Variants in RILPL1 observed in about 807,000 individuals in gnomAD.
The protein encoded by RILPL1 is Rab interacting lysosomal protein like 1.
A neutral mutation model predicts 50.3 loss-of-function variants in RILPL1; 33 were observed. The ratio of observed to expected loss-of-function variants is 0.66; its 90% CI spans 0.50 to 0.88. The LOEUF is 0.88. RILPL1 is among the 40% of genes least tolerant of loss of function. RILPL1 has a pLI of 0.00. For missense variants in RILPL1, 418 were observed against 542.5 expected, an observed-to-expected ratio of 0.77 and a Z score of 2.28; for synonymous variants, 205 against 228.6, an observed-to-expected ratio of 0.90 and a Z score of 0.93.
In RILPL1 at chr12:123,498,216, TC is replaced by T. The variant is rs1883154555; in HGVS notation, c.801+327del. The stretch of plus-strand genomic sequence containing the variant: ...CTGAGCCTCTCGTTTTTTCTCTCTC[TC>T]TCTCTCTCTTTTTTTTTTAGACAGG... On this transcript the variant is annotated intron_variant, in intron 4 of 6. Transcript: ENST00000376874. This position sits in a 1 kb window ranked among gnomAD's most constrained non-coding sequence, Gnocchi z 4.3. Among the ~76,000 whole-genome samples, 1 of 151,586 alleles carries T rather than the reference TC, an allele frequency of 6.6e-6. No individual in the cohort carries two copies. The highest frequency in any genetic ancestry group is 1.5e-5 in the Non-Finnish European group (1 of 67,930).
At chr12:123,480,807 G>A (rs1267421357) in intron 6 of RILPL1, among the ~76,000 whole-genome samples, 1 of 152,092 alleles carries the variant, frequency 6.6e-6, no homozygotes, top group Admixed American at 6.6e-5. Context: ...TGGGCACCCC[G>A]TATTTCTGTC....
intron 1 of RILPL1, among the ~76,000 whole-genome samples, chr12:123,532,716 G>GGGGGGA (rs1232279863): frequency 8.9e-6 from 1 of 112,534 alleles, no homozygotes; most frequent in Non-Finnish European, 1.9e-5. Flanking sequence ...GGGGGGGGGG[G>GGGGGGA]ATGAAGAAAG....
intron 4 of RILPL1, among the ~76,000 whole-genome samples, chr12:123,493,236 G>A (rs565137785): frequency 6.6e-6 from 1 of 152,342 alleles, no homozygotes; most frequent in East Asian, 1.9e-4. Flanking sequence ...GTAAAGCATT[G>A]AGATGTTTAT....
intron 2 of RILPL1, among the ~76,000 whole-genome samples, chr12:123,507,953 GA>G (rs56309765): frequency 0.9 from 103,673 of 115,418 alleles, 46,125 homozygotes; most frequent in Admixed American, 0.93. Context: ...AAAAAAAAAA[GA>G]AAAAAAAAAA....
rs1448808864 is a variant in RILPL1, at chr12:123,472,271, C to T, written c.*267G>A. On this transcript the variant is annotated 3_prime_UTR_variant, in exon 7 of 7. Coordinates refer to ENST00000376874, the MANE Select transcript of RILPL1 (RefSeq NM_178314.5). Reference sequence around the variant, plus strand: ...GAAGTTAACGCAGAAGTCTGGCCTCCGTTTGTGGGATTATTAAATATATAT... The same window carrying T: ...GAAGTTAACGCAGAAGTCTGGCCTCTGTTTGTGGGATTATTAAATATATAT... 3.3e-5 allele frequency: 13 copies of T among 394,372 alleles called. No homozygotes were observed. The highest frequency in any genetic ancestry group is 1.0e-4 in the South Asian group (2 of 19,956). 24.4% of individuals were successfully genotyped at this position (394,372 alleles called of 1,614,324 possible).
chr12:123,529,328 G>A (rs1412599320), intron 1 of RILPL1, among the ~76,000 whole-genome samples: 1 of 151,958 alleles, frequency 6.6e-6, no homozygotes, highest in African/African-American at 2.4e-5. Flanking sequence ...GTCTCGCTCT[G>A]TTGCTCAGGC....
chr12:123,518,698 T>C (rs752485088), intron 2 of RILPL1, among the ~76,000 whole-genome samples: 4 of 152,090 alleles, frequency 2.6e-5, no homozygotes, highest in Non-Finnish European at 5.9e-5. Flanking sequence ...ATTTTTATAT[T>C]GATTACATGT....
rs1035739717 is a variant in RILPL1 at position 123,504,440 on chromosome 12, G to A, written c.461-4904C>T. Among the ~76,000 whole-genome samples the A allele has an allele frequency of 4.6e-5, 7 of 152,174 alleles. No individual in the cohort carries two copies. The South Asian group carries it at 8.3e-4, about 18-fold the overall frequency. On this transcript the variant is annotated intron_variant, in intron 2 of 6. Transcript: ENST00000376874. ...TGTTTCCAGAACAGCAGGCGACGAT[G>A]CCAGTGCCACAAAGCCAGGTAAGGC...
At chr12:123,492,044 C>T (rs1489036699) in intron 4 of RILPL1, among the ~76,000 whole-genome samples, 1 of 151,662 alleles carries the variant, frequency 6.6e-6, no homozygotes, top group Non-Finnish European at 1.5e-5. Context: ...AAAATAGAGG[C>T]AGGCAGATCA....
chr12:123,521,561 A>AT (rs1326359969), intron 2 of RILPL1, among the ~76,000 whole-genome samples: 1 of 55,432 alleles, frequency 1.8e-5, no homozygotes, highest in African/African-American at 6.7e-5. Flanking sequence ...GTGTATATAT[A>AT]TTAATATATA....
rs1271411283 is a variant in RILPL1 at position 123,498,396 on chromosome 12, AT to A, written c.801+147del. 3.0e-6 allele frequency: 2 copies of A among 676,384 alleles called. No homozygotes were observed. Among genetic ancestry groups the A allele is most frequent in the Non-Finnish European group, 5.0e-6 (2 of 397,836 alleles). The allele number at this position is 676,384 out of a possible 1,614,324, so 41.9% of individuals were successfully genotyped here. On this transcript the variant is annotated intron_variant, in intron 4 of 6. Transcript: ENST00000376874. This position sits in a 1 kb window ranked among gnomAD's most constrained non-coding sequence, Gnocchi z 4.3. ...CACCACGCGTGGCTAATTAAAAAAA[AT>A]GTTTGTAGAGAATTGGGGTCTTGCT... is the stretch of plus-strand genomic sequence containing the variant.
At chr12:123,504,327 C>A (rs763217484) in intron 2 of RILPL1, among the ~76,000 whole-genome samples, 1 of 152,114 alleles carries the variant, frequency 6.6e-6, no homozygotes, top group Non-Finnish European at 1.5e-5. Flanking sequence ...GACTTTCCCC[C>A]CCGGGTGCGC....
intron 2 of RILPL1, among the ~76,000 whole-genome samples, chr12:123,511,725 T>TG (rs1884251327): frequency 1.4e-5 from 1 of 70,904 alleles, no homozygotes; most frequent in African/African-American, 5.7e-5. Context: ...TGTGTGAGGT[T>TG]TGTGTGTGTG....
At chr12:123,529,518 C>T (rs932790936) in intron 1 of RILPL1, among the ~76,000 whole-genome samples, 3 of 152,088 alleles carry the variant, frequency 2.0e-5, no homozygotes, top group South Asian at 4.1e-4. Flanking sequence ...CTCAAGTGAT[C>T]CAGCTGCCTC....
In RILPL1 at chr12:123,485,984, G is replaced by A. The variant is rs532378605; in HGVS notation, c.802-179C>T. Among the ~76,000 whole-genome samples, 16 of 152,300 alleles carry A rather than the reference G, an allele frequency of 1.1e-4. No individual in the cohort carries two copies. The South Asian group carries it at 3.1e-3, about 30-fold the overall frequency. On this transcript the variant is annotated intron_variant, in intron 4 of 6. Coordinates refer to ENST00000376874, the MANE Select transcript of RILPL1 (RefSeq NM_178314.5). The surrounding 1 kb of genome is among the most constrained non-coding windows in gnomAD (Gnocchi z 4.0). Reference sequence around the variant, plus strand: ...TTCTGTACAGTTTCCCTCTGGAGGTGGAAGCCAGCAGCCACCTGTTCATTG... The same window carrying A: ...TTCTGTACAGTTTCCCTCTGGAGGTAGAAGCCAGCAGCCACCTGTTCATTG...
chr12:123,523,288 G>GACCTCTGTGTT (rs929053093), intron 2 of RILPL1, among the ~76,000 whole-genome samples: 2 of 152,182 alleles, frequency 1.3e-5, no homozygotes, highest in Non-Finnish European at 2.9e-5. Flanking sequence ...TTGCTGAAAG[G>GACCTCTGTGTT]ACCTCTGTGT....
At chr12:123,492,019 T>TA (rs1198926112) in intron 4 of RILPL1, among the ~76,000 whole-genome samples, 1 of 150,652 alleles carries the variant, frequency 6.6e-6, no homozygotes, top group South Asian at 2.1e-4. Flanking sequence ...AATAAATAAA[T>TA]AAATAAAATA....
In RILPL1 at chr12:123,487,414, C is replaced by T. The variant is rs553453977; in HGVS notation, c.802-1609G>A. Among the ~76,000 whole-genome samples the T allele has an allele frequency of 5.9e-3, 894 of 152,056 alleles. 11 individuals carry two copies. The highest frequency in any genetic ancestry group is 7.3e-3 in the Non-Finnish European group (493 of 67,948). On this transcript the variant is annotated intron_variant, in intron 4 of 6. Coordinates refer to ENST00000376874, the MANE Select transcript of RILPL1 (RefSeq NM_178314.5). Reference sequence around the variant, plus strand: ...GCCTCCTGGGTTCAAGCGATTCTTCCGCCTCAGCCTCCCGAGTAGCTAGCT... The same window carrying T: ...GCCTCCTGGGTTCAAGCGATTCTTCTGCCTCAGCCTCCCGAGTAGCTAGCT...
chr12:123,506,559 G>A (rs1320074266), intron 2 of RILPL1, among the ~76,000 whole-genome samples: 1 of 152,174 alleles, frequency 6.6e-6, no homozygotes, highest in African/African-American at 2.4e-5. Flanking sequence ...CTGCAGTGCA[G>A]GGAATTATGG....
Sources: allele counts gnomAD v4.1 joint callset (sites outside exome capture counted in the v4.1 genomes callset), GRCh38; gene constraint gnomAD v4.1.1; non-coding constraint Gnocchi (gnomAD v3.1); transcripts MANE v1.5; gene names NCBI Gene and HGNC (gene_info 2026-07-23, HGNC 2026-07-21).